TAFA2: variants seen among roughly 807,000 people sequenced by gnomAD.
TAFA2 encodes chemokine-like protein TAFA-2.
TAFA2 carries 7 observed loss-of-function variants against 18.8 expected under a neutral mutation model. The observed-to-expected ratio is 0.37, with a 90% CI of 0.21 to 0.70. The LOEUF (loss-of-function observed/expected upper bound fraction) is 0.70, where lower values mean the gene tolerates loss of function less well. TAFA2 is among the 30% of genes least tolerant of loss of function. The probability of loss-of-function intolerance (pLI) is 0.53; values close to 1 mark genes in which losing one functional copy is unlikely to be tolerated. For synonymous variants in TAFA2, 60 were observed against 54.2 expected, an observed-to-expected ratio of 1.11 and a Z score of -0.47; for missense variants, 122 against 158.1, an observed-to-expected ratio of 0.77 and a Z score of 1.23.
chr12:61,952,416 C>A (rs984409040), intron 1 of TAFA2, among the ~76,000 whole-genome samples: 11 of 152,108 alleles, frequency 7.2e-5, no homozygotes, highest in Non-Finnish European at 1.5e-4. Flanking sequence ...ATGCCCCTTT[C>A]AGAGTTTTTA....
intron 1 of TAFA2, among the ~76,000 whole-genome samples, chr12:62,247,084 T>C (rs1013737015): frequency 6.6e-6 from 1 of 152,220 alleles, no homozygotes; most frequent in African/African-American, 2.4e-5. Context: ...TGCATGCTGC[T>C]GTTATTGTTT....
intron 2 of TAFA2, among the ~76,000 whole-genome samples, chr12:61,783,903 T>G (rs1870614016): frequency 6.6e-6 from 1 of 151,664 alleles, no homozygotes; most frequent in African/African-American, 2.4e-5. Flanking sequence ...TACTAATAGC[T>G]TATTTAGTCA....
intron 1 of TAFA2, among the ~76,000 whole-genome samples, chr12:61,869,344 G>C (rs1874495257): frequency 6.6e-6 from 1 of 152,182 alleles, no homozygotes; most frequent in African/African-American, 2.4e-5. Context: ...TTGGTATGAA[G>C]ATTAAATGAA....
At chr12:61,802,067 A>G (rs7966375) in intron 2 of TAFA2, among the ~76,000 whole-genome samples, 75,840 of 151,914 alleles carry the variant, frequency 0.5, 19,054 homozygotes, top group Admixed American at 0.56. Flanking sequence ...GTGAGATTTC[A>G]TGTCACCCTG....
rs934612175 is a variant in TAFA2 at position 61,788,179 on chromosome 12, G to A, written c.107-33155C>T. ...ACAATTATAAATATATATGCATCCA[G>A]TGCTGGACCACCCAAATATAGAGAG... On this transcript the variant is annotated intron_variant, in intron 2 of 4. Transcript: ENST00000416284. 2.6e-5 allele frequency among the ~76,000 whole-genome samples: 4 copies of A among 151,524 alleles called. No homozygotes were observed. The East Asian group carries it at 7.8e-4, about 29-fold the overall frequency.
intron 1 of TAFA2, among the ~76,000 whole-genome samples, chr12:61,995,829 T>A (rs1200525960): frequency 6.6e-6 from 1 of 151,840 alleles, no homozygotes; most frequent in Non-Finnish European, 1.5e-5. Flanking sequence ...GTTCTAAAAC[T>A]GATTGTGGTG....
chr12:61,831,783 G>T (rs539430333), intron 2 of TAFA2, among the ~76,000 whole-genome samples: 2 of 151,958 alleles, frequency 1.3e-5, no homozygotes, highest in African/African-American at 2.4e-5. Flanking sequence ...CATGTGCCAT[G>T]TTGGTGTGCT....
intron 1 of TAFA2, among the ~76,000 whole-genome samples, chr12:62,187,767 CTA>C (rs1484824673): frequency 6.6e-6 from 1 of 152,124 alleles, no homozygotes; most frequent in East Asian, 1.9e-4. Context: ...AAACTAACTT[CTA>C]TGTCTCTGTT....
intron 1 of TAFA2, among the ~76,000 whole-genome samples, chr12:62,087,497 G>A (rs1565740208): frequency 6.6e-6 from 1 of 152,082 alleles, no homozygotes; most frequent in Admixed American, 6.6e-5. Context: ...GGTGAGACCT[G>A]GGGGACAAGC....
chr12:61,930,677 C>T (rs1015302470), intron 1 of TAFA2, among the ~76,000 whole-genome samples: 1 of 152,204 alleles, frequency 6.6e-6, no homozygotes, highest in Non-Finnish European at 1.5e-5. Context: ...ACATTAGACT[C>T]GGTGAATATC....
chr12:61,944,939 TCC>T (rs1878202505), intron 1 of TAFA2, among the ~76,000 whole-genome samples: 1 of 144,422 alleles, frequency 6.9e-6, no homozygotes, highest in Non-Finnish European at 1.5e-5. Context: ...GAGGGAATCC[TCC>T]CTAACTCATT....
intron 1 of TAFA2, among the ~76,000 whole-genome samples, chr12:61,908,571 G>A (rs1876463271): frequency 6.6e-6 from 1 of 151,922 alleles, no homozygotes. Flanking sequence ...ACAAAGATAC[G>A]GATTCCAGGT....
intron 1 of TAFA2, among the ~76,000 whole-genome samples, chr12:61,908,040 G>T (rs545321642): frequency 5.3e-5 from 8 of 152,120 alleles, no homozygotes; most frequent in Non-Finnish European, 1.2e-4. Flanking sequence ...TAGGCAGAAG[G>T]GACTGCCTTG....
intron 3 of TAFA2, 108 bp from the exon 4 acceptor site, chr12:61,753,854 T>A: frequency 1.1e-6 from 1 of 886,942 alleles, no homozygotes; most frequent in Non-Finnish European, 1.7e-6. Context: ...CCAGTGGGAA[T>A]ACAGGTATTT....
intron 1 of TAFA2, among the ~76,000 whole-genome samples, chr12:62,179,648 A>G (rs899853584): frequency 1.3e-5 from 2 of 152,120 alleles, no homozygotes; most frequent in African/African-American, 4.8e-5. Context: ...ACTTCAGTGC[A>G]TTGCCATTTT....
chr12:61,825,788 GC>G (rs1872517068), intron 2 of TAFA2, among the ~76,000 whole-genome samples: 2 of 151,908 alleles, frequency 1.3e-5, no homozygotes, highest in African/African-American at 4.8e-5. Flanking sequence ...AAAAGATAAA[GC>G]ACAAATTTTA....
At chr12:62,025,070 C>A (rs1446262836) in intron 1 of TAFA2, among the ~76,000 whole-genome samples, 3 of 152,112 alleles carry the variant, frequency 2.0e-5, no homozygotes, top group Non-Finnish European at 4.4e-5. Flanking sequence ...TAAAACACAA[C>A]TACTATTCAA....
At chr12:62,128,073 G>C (rs1249911094) in intron 1 of TAFA2, among the ~76,000 whole-genome samples, 1 of 152,052 alleles carries the variant, frequency 6.6e-6, no homozygotes, top group East Asian at 1.9e-4. Flanking sequence ...GGAAAATAAT[G>C]TGTTTTATTT....
chr12:62,024,960 G>T (rs1202921261), intron 1 of TAFA2, among the ~76,000 whole-genome samples: 2 of 152,120 alleles, frequency 1.3e-5, no homozygotes, highest in African/African-American at 4.8e-5. Context: ...GAAAAAGAAT[G>T]CTGGCAAGGC....
Sources: allele counts gnomAD v4.1 joint callset (sites outside exome capture counted in the v4.1 genomes callset), GRCh38; gene constraint gnomAD v4.1.1; transcripts MANE v1.5; gene names NCBI Gene and HGNC (gene_info 2026-07-23, HGNC 2026-07-21).